Variants in EBF2 observed in about 807,000 individuals in gnomAD.
The protein encoded by EBF2 is transcription factor COE2.
EBF2 carries 21 observed loss-of-function variants against 72.8 expected under a neutral mutation model. That is an observed-to-expected ratio of 0.29 (90% CI 0.20 to 0.42). EBF2 has a LOEUF of 0.42. Among genes scored for constraint, EBF2 ranks in the 10% least tolerant of loss-of-function variants. The pLI is 1.00. For synonymous variants in EBF2, 299 were observed against 274.2 expected (o/e 1.09, Z -0.89); for missense variants, 637 against 731.2 (o/e 0.87, Z 1.49).
chr8:26,040,094 G>T lies in EBF2; in HGVS notation c.416C>A (p.Ala139Asp), dbSNP rs780460079. The T allele has an allele frequency of 6.2e-7, 1 of 1,614,014 alleles. No individual in the cohort carries two copies. Among genetic ancestry groups the T allele is most frequent in the South Asian group, 1.1e-5 (1 of 91,070 alleles). ...CGGATTCTTATTCTGTCCCTCGTAA[G>T]CGATGGGCTGTGAAGGAGGTAGTGG... ...LIDSVTKQPIAYEGQNKNPEM... is the reference protein window; with the variant it reads ...LIDSVTKQPIDYEGQNKNPEM... The change falls in exon 5 of 16, where the codon GCT becomes GAT. Residue 139 changes from alanine to aspartate, a missense_variant. Coordinates refer to ENST00000520164, the MANE Select transcript of EBF2 (RefSeq NM_022659.4).
chr8:25,948,677 G>A (rs991770516), intron 6 of EBF2, among the ~76,000 whole-genome samples: 2 of 152,182 alleles, frequency 1.3e-5, no homozygotes, highest in African/African-American at 4.8e-5. Flanking sequence ...GACTCATAAA[G>A]TAAAGGAAAC....
At chr8:25,882,524 C>T (rs1029701191) in intron 10 of EBF2, among the ~76,000 whole-genome samples, 3 of 151,946 alleles carry the variant, frequency 2.0e-5, no homozygotes, top group Non-Finnish European at 4.4e-5. Flanking sequence ...AGTATTTGAC[C>T]GTGGAAATCA....
At chr8:25,887,190 A>G (rs373329409) in intron 9 of EBF2, among the ~76,000 whole-genome samples, 41 of 151,278 alleles carry the variant, frequency 2.7e-4, no homozygotes, top group Non-Finnish European at 5.6e-4. Flanking sequence ...AACTCAACCA[A>G]TGTAGGTCCT....
intron 10 of EBF2, among the ~76,000 whole-genome samples, chr8:25,867,508 C>T (rs532911748): frequency 7.2e-5 from 11 of 152,312 alleles, no homozygotes; most frequent in Admixed American, 7.2e-4. Context: ...TCCTTCCTAC[C>T]TCTTTGGCCA....
At chr8:25,869,850 C>T (rs369649350) in intron 10 of EBF2, among the ~76,000 whole-genome samples, 2 of 152,138 alleles carry the variant, frequency 1.3e-5, no homozygotes, top group East Asian at 1.9e-4. Flanking sequence ...TTAGCTCGTT[C>T]GATTCTGATT....
rs1585263344 is a variant in EBF2 at position 25,860,957 on chromosome 8, G to A, written c.1342+92C>T. On this transcript the variant is annotated intron_variant, in intron 13 of 15. Transcript: ENST00000520164. ...TGCCTATCTGTGGACACACTCTGTT[G>A]GACCATTATGACCCAACCTCTGACT... is the stretch of plus-strand genomic sequence containing the variant. 2.9e-6 allele frequency: 4 copies of A among 1,392,174 alleles called. No individual in the cohort carries two copies. In the East Asian group the frequency reaches 9.1e-5, roughly 32 times the overall value. The allele number at this position is 1,392,174 out of a possible 1,614,324, so 86.2% of individuals were successfully genotyped here.
At chr8:25,870,515 A>C (rs774371668) in intron 10 of EBF2, among the ~76,000 whole-genome samples, 1 of 151,978 alleles carries the variant, frequency 6.6e-6, no homozygotes, top group Non-Finnish European at 1.5e-5. Context: ...CACCTTCCTT[A>C]TCCCTTAGTC....
At chr8:25,895,931 G>C (rs1018542839) in intron 7 of EBF2, among the ~76,000 whole-genome samples, 9 of 130,646 alleles carry the variant, frequency 6.9e-5, no homozygotes, top group Non-Finnish European at 1.2e-4. Flanking sequence ...GTATGTGTGT[G>C]TGTGTGTGTG....
chr8:25,947,898 C>G (rs1197782438), intron 6 of EBF2, among the ~76,000 whole-genome samples: 2 of 152,174 alleles, frequency 1.3e-5, no homozygotes, highest in African/African-American at 4.8e-5. Flanking sequence ...AAACAATGAC[C>G]TTCTGTTTTG....
chr8:25,862,595 T>C (rs1342740774), intron 11 of EBF2, 114 bp downstream of exon 11: 2 of 656,026 alleles, frequency 3.0e-6, no homozygotes, highest in African/African-American at 3.7e-5. Flanking sequence ...ATCTAAAGCT[T>C]AGCCAAATTT....
chr8:26,022,431 C>T (rs889542843), intron 6 of EBF2, among the ~76,000 whole-genome samples: 2 of 152,150 alleles, frequency 1.3e-5, no homozygotes, highest in African/African-American at 4.8e-5. Flanking sequence ...CACCTTGGGG[C>T]TTTTTTGGAG....
chr8:25,999,354 T>A (rs981111611), intron 6 of EBF2, among the ~76,000 whole-genome samples: 4 of 152,188 alleles, frequency 2.6e-5, no homozygotes, highest in African/African-American at 7.2e-5. Flanking sequence ...ATATTATTTT[T>A]AAAAACTCAT....
chr8:25,952,270 G>T (rs1369285765), intron 6 of EBF2, among the ~76,000 whole-genome samples: 1 of 152,178 alleles, frequency 6.6e-6, no homozygotes, highest in African/African-American at 2.4e-5. Flanking sequence ...GCTCCACTCT[G>T]GGTAACAGAG....
In EBF2 at chr8:26,042,113, G is replaced by A; in HGVS notation, c.270C>T (p.Asp90=). Residue 90 remains aspartate (D), a synonymous_variant, in exon 2 of 16, where the codon GAC becomes GAT. Coordinates refer to ENST00000520164, the MANE Select transcript of EBF2 (RefSeq NM_022659.4). The part of the protein sequence containing the change: ...PVEIERTAFV[D]FVENDKEQGN... ...CGCTTACTTTGTCATTCTCCACAAA[G>A]TCCACGAAGGCCGTCCGCTCGATCT... The A allele has an allele frequency of 3.7e-6, 6 of 1,613,736 alleles. No homozygotes were observed. The highest frequency in any genetic ancestry group is 4.2e-6 in the Non-Finnish European group (5 of 1,179,896).
chr8:25,858,413 A>G lies in EBF2; in HGVS notation c.1434T>C (p.Ser478=), dbSNP rs1312596389. 1.2e-6 allele frequency: 2 copies of G among 1,614,116 alleles called. No homozygotes were observed. The highest frequency in any genetic ancestry group is 1.1e-5 in the South Asian group (1 of 91,082). The change falls in exon 14 of 16, where the codon AGT becomes AGC. Residue 478 remains serine (S), a synonymous_variant. Transcript: ENST00000520164. ...TGGGGACATTGCTGTAGCCATTCAT[A>G]CTGTTGCTGGAGGTACTGTAATTAG... ...QQSNYSTSSN[S]MNGYSNVPMA... is the part of the protein sequence containing the mutation.
At chr8:26,029,133 T>C (rs181535889) in intron 6 of EBF2, among the ~76,000 whole-genome samples, 48 of 152,350 alleles carry the variant, frequency 3.2e-4, no homozygotes, top group Admixed American at 3.1e-3. Flanking sequence ...GATCCCCTAT[T>C]GTAAACTCCA....
chr8:26,013,407 C>T (rs1805058877), intron 6 of EBF2, among the ~76,000 whole-genome samples: 1 of 152,128 alleles, frequency 6.6e-6, no homozygotes, highest in African/African-American at 2.4e-5. Flanking sequence ...CTAATACTTG[C>T]TGGGTGCCTG....
At chr8:25,888,046 A>G in intron 8 of EBF2, 74 bp from the exon 9 acceptor site, 1 of 1,494,176 alleles carries the variant, frequency 6.7e-7, no homozygotes, top group Non-Finnish European at 9.0e-7. Flanking sequence ...CCAGGCCCAC[A>G]TTGGAAGAAG....
chr8:25,865,752 G>T (rs1279695105), intron 10 of EBF2, among the ~76,000 whole-genome samples: 2 of 150,896 alleles, frequency 1.3e-5, no homozygotes, highest in East Asian at 2.1e-4. Context: ...CAGGCCAGGC[G>T]CAGTGACTCA....
Sources: allele counts gnomAD v4.1 joint callset (sites outside exome capture counted in the v4.1 genomes callset), GRCh38; gene constraint gnomAD v4.1.1; transcripts MANE v1.5; gene names NCBI Gene and HGNC (gene_info 2026-07-23, HGNC 2026-07-21).